Variants in TMEM51 observed in about 807,000 individuals in gnomAD.
TMEM51 encodes the protein transmembrane protein 51.
A neutral mutation model predicts 13.6 loss-of-function variants in TMEM51; 8 were observed. That is an observed-to-expected ratio of 0.59 (90% CI 0.35 to 1.07). TMEM51 has a LOEUF of 1.07. Among genes scored for constraint, TMEM51 ranks in the 50% least tolerant of loss-of-function variants. The pLI, the probability that TMEM51 is intolerant of heterozygous loss-of-function variation, is 0.02. For missense variants in TMEM51, 279 were observed against 330.7 expected, an observed-to-expected ratio of 0.84 and a Z score of 1.21; for synonymous variants, 147 against 144.4, an observed-to-expected ratio of 1.02 and a Z score of -0.13.
chr1:15,212,174 G>A (rs1359781917), intron 2 of TMEM51, among the ~76,000 whole-genome samples: 1 of 152,118 alleles, frequency 6.6e-6, no homozygotes, highest in African/African-American at 2.4e-5. Flanking sequence ...TAGAGCCAAA[G>A]GGTATAAACA....
chr1:15,206,957 C>T (rs1644261381), intron 1 of TMEM51, among the ~76,000 whole-genome samples: 1 of 152,208 alleles, frequency 6.6e-6, no homozygotes, highest in Admixed American at 6.5e-5. Flanking sequence ...TAGCCTGAAA[C>T]TCCCTCCCAG....
intron 1 of TMEM51, among the ~76,000 whole-genome samples, chr1:15,204,495 C>T (rs376249311): frequency 9.8e-5 from 15 of 152,324 alleles, no homozygotes; most frequent in African/African-American, 3.6e-4. Context: ...GCAGAGGTTG[C>T]AGTGAGCCAA....
chr1:15,197,591 G>A (rs533074911), intron 1 of TMEM51, among the ~76,000 whole-genome samples: 36 of 152,184 alleles, frequency 2.4e-4, no homozygotes, highest in Admixed American at 5.2e-4. Context: ...CAAAAGCCCC[G>A]TACTGAATCA....
chr1:15,219,247 C>G, intron 3 of TMEM51, 79 bp from the exon 4 acceptor site: 1 of 1,471,790 alleles, frequency 6.8e-7, no homozygotes. Flanking sequence ...TGTGTGGACT[C>G]TTTGGAGCCC....
Position 15,215,187 on chromosome 1 carries a change from G to A in TMEM51, c.100G>A (p.Val34Ile), listed in dbSNP as rs1644407923. The change falls in exon 3 of 4, where the codon GTA (valine) becomes ATA (isoleucine). Residue 34 changes from valine to isoleucine, a missense_variant. Transcript: ENST00000376008. ...GGTGATCATGGCCATGTGGAACCTG[G>A]TACCCGGCTTCAGCGCGGCCGAGAA... Reference protein sequence around the residue: ...LGVIMAMWNLVPGFSAAEKPT... With the variant: ...LGVIMAMWNLIPGFSAAEKPT... 2 of 1,614,232 alleles carry A rather than the reference G, an allele frequency of 1.2e-6. No individual in the cohort carries two copies. Among genetic ancestry groups the A allele is most frequent in the Non-Finnish European group, 1.7e-6 (2 of 1,180,050 alleles).
At chr1:15,212,493 C>T (rs1477607509) in intron 2 of TMEM51, among the ~76,000 whole-genome samples, 1 of 150,110 alleles carries the variant, frequency 6.7e-6, no homozygotes, top group Non-Finnish European at 1.5e-5. Flanking sequence ...GTCCCACGTA[C>T]AAGGCCTGCC....
rs1432763505 is a variant in TMEM51, at chr1:15,219,637, A to C, written c.656A>C (p.Asn219Thr). Reference protein sequence around the residue: ...EKLHLKDFRINLPDKNVPPPS... With the variant: ...EKLHLKDFRITLPDKNVPPPS... Reference sequence around the variant, plus strand: ...CTTCACCTCAAAGACTTTAGGATCAACCTCCCAGACAAAAACGTCCCTCCT... The same window carrying C: ...CTTCACCTCAAAGACTTTAGGATCACCCTCCCAGACAAAAACGTCCCTCCT... Residue 219 changes from asparagine (N) to threonine (T), a missense_variant, in exon 4 of 4, where the codon AAC (asparagine) becomes ACC (threonine). By Grantham distance (65) the Asn-to-Thr change is moderately conservative. Coordinates refer to ENST00000376008, the MANE Select transcript of TMEM51 (RefSeq NM_001136218.2). The C allele has an allele frequency of 3.7e-6, 6 of 1,613,870 alleles. No individual in the cohort carries two copies. The highest frequency in any genetic ancestry group is 5.1e-6 in the Non-Finnish European group (6 of 1,180,036).
rs187076383 is a variant in TMEM51 at position 15,172,098 on chromosome 1, C to A, written c.-267+18144C>A. ...TATGGAAAAGAAAGTGGACTCTGTC[C>A]AGGCACAGTGGCTCACACCTGTAAT... On this transcript the variant is annotated intron_variant, in intron 1 of 3. Transcript: ENST00000376008. 2.6e-3 allele frequency among the ~76,000 whole-genome samples: 393 copies of A among 152,276 alleles called. 1 individual carries two copies. The highest frequency in any genetic ancestry group is 9.1e-3 in the African/African-American group (379 of 41,548).
chr1:15,195,862 G>T (rs115677890), intron 1 of TMEM51, among the ~76,000 whole-genome samples: 1 of 152,140 alleles, frequency 6.6e-6, no homozygotes, highest in South Asian at 2.1e-4. Flanking sequence ...CCCAGGAGAC[G>T]TGGCTTGTGG....
At chr1:15,182,161 CAAATAAATAAATAAATAAAT>C (rs56106721) in intron 1 of TMEM51, among the ~76,000 whole-genome samples, 14 of 139,472 alleles carry the variant, frequency 1.0e-4, no homozygotes, top group African/African-American at 2.8e-4. Context: ...AACTCCATCT[CAAATAAATAAATAAATAAAT>C]AAATAAATAA....
chr1:15,175,928 G>A (rs961162927), intron 1 of TMEM51, among the ~76,000 whole-genome samples: 6 of 152,204 alleles, frequency 3.9e-5, no homozygotes, highest in African/African-American at 1.4e-4. Flanking sequence ...CCAGTCTGCT[G>A]CCACCGTGTC....
chr1:15,198,732 A>C (rs1644097914), intron 1 of TMEM51, among the ~76,000 whole-genome samples: 1 of 152,138 alleles, frequency 6.6e-6, no homozygotes, highest in Non-Finnish European at 1.5e-5. Context: ...GGCAAAACTC[A>C]GCCACCCTGC....
chr1:15,175,388 G>A (rs1461305391), intron 1 of TMEM51, among the ~76,000 whole-genome samples: 3 of 152,180 alleles, frequency 2.0e-5, no homozygotes, highest in South Asian at 2.1e-4. Flanking sequence ...CAATAAGAGC[G>A]AAACTCCATC....
chr1:15,173,221 T>C (rs1246983306), intron 1 of TMEM51, among the ~76,000 whole-genome samples: 1 of 146,958 alleles, frequency 6.8e-6, no homozygotes, highest in Non-Finnish European at 1.5e-5. Flanking sequence ...ATTCTTTTTT[T>C]TTTTTTTTTT....
At position 15,214,944 on chromosome 1, in the gene TMEM51, C is replaced by A; in HGVS notation, c.-144C>A. 1 of 816,068 alleles carries A rather than the reference C, an allele frequency of 1.2e-6. No individual in the cohort carries two copies. The highest frequency in any genetic ancestry group is 1.9e-6 in the Non-Finnish European group (1 of 533,482). 50.6% of individuals were successfully genotyped at this position (816,068 alleles called of 1,614,324 possible). A position where few individuals can be genotyped will look rare whatever the true frequency, so the allele number is the denominator to read the frequency against. ...CGGGAGGCCTCGCGATTGCTCGGAA[C>A]CATCCCGCAGGAGTTCAGCTGATAT... On this transcript the variant is annotated 5_prime_UTR_variant, in exon 3 of 4. Transcript: ENST00000376008.
At chr1:15,179,536 A>G (rs1004735068) in intron 1 of TMEM51, among the ~76,000 whole-genome samples, 2 of 152,214 alleles carry the variant, frequency 1.3e-5, no homozygotes, top group African/African-American at 4.8e-5. Flanking sequence ...TAATCCCATC[A>G]CTTTGAGAGG....
chr1:15,156,446 A>G (rs903423101), intron 1 of TMEM51, among the ~76,000 whole-genome samples: 1 of 152,134 alleles, frequency 6.6e-6, no homozygotes, highest in Non-Finnish European at 1.5e-5. Flanking sequence ...CCCAGCCCCA[A>G]ATTAAGGTGG....
chr1:15,162,329 A>G (rs577694922), intron 1 of TMEM51, among the ~76,000 whole-genome samples: 5 of 151,944 alleles, frequency 3.3e-5, no homozygotes, highest in African/African-American at 1.2e-4. Context: ...TGTCCAGCTA[A>G]TTTTTGTATT....
intron 1 of TMEM51, among the ~76,000 whole-genome samples, chr1:15,158,498 G>T (rs1027632996): frequency 4.6e-5 from 7 of 152,134 alleles, no homozygotes; most frequent in Non-Finnish European, 8.8e-5. Context: ...CACCATCACT[G>T]CCCCTTGCCC....
Sources: allele counts gnomAD v4.1 joint callset (sites outside exome capture counted in the v4.1 genomes callset), GRCh38; gene constraint gnomAD v4.1.1; transcripts MANE v1.5; gene names NCBI Gene and HGNC (gene_info 2026-07-23, HGNC 2026-07-21).